The following CELF2 variants were observed in gnomAD, a reference collection of about 807,000 sequenced individuals.
CELF2 encodes CUGBP Elav-like family member 2.
Under a neutral mutation model 62.6 loss-of-function variants are expected in CELF2, and 8 were observed. The ratio of observed to expected loss-of-function variants is 0.13; its 90% CI spans 0.07 to 0.23. The LOEUF is 0.23. CELF2 is among the 10% of genes least tolerant of loss of function. The probability of loss-of-function intolerance (pLI) is 1.00; values close to 1 mark genes in which losing one functional copy is unlikely to be tolerated. For missense variants in CELF2, 333 were observed against 671.0 expected (o/e 0.50, Z 5.56); for synonymous variants, 258 against 250.0 (o/e 1.03, Z -0.30).
intron 8 of CELF2, 93 bp from the exon 9 acceptor site, chr10:11,288,325 A>G (rs1412649941): frequency 6.6e-7 from 1 of 1,514,922 alleles, no homozygotes; most frequent in Non-Finnish European, 9.0e-7. Flanking sequence ...TGCTCTCATC[A>G]TGTGTCCTGA....
intron 2 of CELF2, among the ~76,000 whole-genome samples, chr10:10,987,162 G>T (rs556881123): frequency 1.3e-5 from 2 of 152,142 alleles, no homozygotes; most frequent in South Asian, 4.2e-4. Flanking sequence ...CAGCAGAGAC[G>T]CTCAATTCCA....
the CELF2 span, among the ~76,000 whole-genome samples, chr10:10,494,919 A>G: frequency 6.6e-6 from 1 of 152,198 alleles, no homozygotes; most frequent in Non-Finnish European, 1.5e-5. Flanking sequence ...GGCTATTTTA[A>G]GTTAATATTA....
intron 1 of CELF2, among the ~76,000 whole-genome samples, chr10:11,063,050 C>T (rs2067208381): frequency 6.6e-6 from 1 of 152,164 alleles, no homozygotes; most frequent in Admixed American, 6.5e-5. Context: ...TTTAGCAATG[C>T]TGTATTTTAA....
intron 1 of CELF2, among the ~76,000 whole-genome samples, chr10:10,863,185 T>A (rs1048265561): frequency 1.3e-5 from 2 of 152,214 alleles, no homozygotes; most frequent in African/African-American, 4.8e-5. Flanking sequence ...CCAGCTACAC[T>A]GCCCAGGCTA....
intron 1 of CELF2, among the ~76,000 whole-genome samples, chr10:10,876,095 G>A (rs2061071519): frequency 6.6e-6 from 1 of 152,202 alleles, no homozygotes; most frequent in African/African-American, 2.4e-5. Flanking sequence ...TGCTTCACAG[G>A]TGTCAGCTGG....
intron 1 of CELF2, among the ~76,000 whole-genome samples, chr10:10,834,175 T>A (rs564462179): frequency 1.3e-5 from 2 of 152,312 alleles, no homozygotes; most frequent in South Asian, 4.1e-4. Flanking sequence ...TAGGTGGAGC[T>A]AGAAGCCATC....
the CELF2 span, among the ~76,000 whole-genome samples, chr10:10,529,085 A>G: frequency 6.6e-6 from 1 of 152,240 alleles, no homozygotes; most frequent in East Asian, 1.9e-4. Context: ...TTAAATATGT[A>G]TGCTCATTAA....
chr10:11,127,549 G>A lies in CELF2; in HGVS notation c.75-37937G>A, dbSNP rs138494298. On this transcript the variant is annotated intron_variant, in intron 1 of 12. Coordinates refer to ENST00000633077, the MANE Select transcript of CELF2 (RefSeq NM_001326342.2). ...TTCCTATTTCTCCACATCCTCTGCA[G>A]CATCTGTTGTTTCCTGACTTTTTAA... 1.5e-3 allele frequency among the ~76,000 whole-genome samples: 234 copies of A among 152,262 alleles called. 2 individuals carry two copies. The highest frequency in any genetic ancestry group is 0.012 in the Admixed American group (186 of 15,288).
intron 1 of CELF2, among the ~76,000 whole-genome samples, chr10:11,081,244 G>T (rs940159520): frequency 6.6e-6 from 1 of 152,092 alleles, no homozygotes; most frequent in Non-Finnish European, 1.5e-5. Flanking sequence ...TTTTGAAGAA[G>T]CTTTTACAAA....
chr10:10,730,283 C>T, the CELF2 span, among the ~76,000 whole-genome samples: 1 of 152,136 alleles, frequency 6.6e-6, no homozygotes, highest in Non-Finnish European at 1.5e-5. Context: ...TTGAGACCAG[C>T]CTGGCCAAGA....
At chr10:10,745,246 A>G in the CELF2 span, among the ~76,000 whole-genome samples, 280 of 152,308 alleles carry the variant, frequency 1.8e-3, 1 homozygote, top group African/African-American at 6.4e-3. Context: ...AGCAAGCAGA[A>G]CTGGGGTCAG....
chr10:10,928,546 C>T lies in CELF2; in HGVS notation c.89+8547C>T, dbSNP rs2065765867. On this transcript the variant is annotated intron_variant, in intron 2 of 13. Coordinates refer to the CELF2 transcript ENST00000636488. The surrounding 1 kb of genome is among the most constrained non-coding windows in gnomAD (Gnocchi z 4.8). ...ACATCTATTTATGTGTTGTCTGTAC[C>T]ATTTTTGTGCTACAACATCACAGTT... is the stretch of plus-strand genomic sequence containing the variant. Among the ~76,000 whole-genome samples the T allele has an allele frequency of 6.6e-6, 1 of 152,088 alleles. No homozygotes were observed. Among genetic ancestry groups the T allele is most frequent in the East Asian group, 1.9e-4 (1 of 5,200 alleles).
intron 2 of CELF2, among the ~76,000 whole-genome samples, chr10:10,924,239 G>A (rs1202891096): frequency 2.6e-5 from 3 of 115,998 alleles, no homozygotes; most frequent in Non-Finnish European, 4.8e-5. Context: ...CCGAGATCGC[G>A]CCACTGCACT....
the CELF2 span, among the ~76,000 whole-genome samples, chr10:10,489,016 GA>G: frequency 6.6e-6 from 1 of 152,052 alleles, no homozygotes. Flanking sequence ...CAAGGCTATG[GA>G]GAATCTTCCA....
chr10:10,910,597 G>T (rs1356295490), intron 1 of CELF2, among the ~76,000 whole-genome samples: 1 of 151,458 alleles, frequency 6.6e-6, no homozygotes, highest in Non-Finnish European at 1.5e-5. Flanking sequence ...CTACCTGGGA[G>T]GCCGAGGCAA....
At chr10:11,148,660 C>T (rs143429364) in intron 1 of CELF2, among the ~76,000 whole-genome samples, 1 of 152,258 alleles carries the variant, frequency 6.6e-6, no homozygotes, top group East Asian at 1.9e-4. Flanking sequence ...ATTAAGGACC[C>T]ATTTAGAGTA....
At chr10:11,007,129 T>G (rs1280397562) in intron 1 of CELF2, among the ~76,000 whole-genome samples, 1 of 152,248 alleles carries the variant, frequency 6.6e-6, no homozygotes, top group African/African-American at 2.4e-5. Context: ...CACAGCAATA[T>G]ATCAGAATAT....
At chr10:11,134,297 T>C (rs2060068111) in intron 1 of CELF2, among the ~76,000 whole-genome samples, 2 of 152,220 alleles carry the variant, frequency 1.3e-5, no homozygotes, top group Admixed American at 6.5e-5. Flanking sequence ...AATCTAACGT[T>C]ACTACTTAGG....
chr10:10,600,371 T>C, the CELF2 span, among the ~76,000 whole-genome samples: 1 of 152,270 alleles, frequency 6.6e-6, no homozygotes, highest in Non-Finnish European at 1.5e-5. Flanking sequence ...GGACTGCTTG[T>C]AACATGTGCC....
Sources: allele counts gnomAD v4.1 joint callset (sites outside exome capture counted in the v4.1 genomes callset), GRCh38; gene constraint gnomAD v4.1.1; non-coding constraint Gnocchi (gnomAD v3.1); transcripts MANE v1.5; gene names NCBI Gene and HGNC (gene_info 2026-07-23, HGNC 2026-07-21).